SMC3: variants seen among roughly 807,000 people sequenced by gnomAD.
SMC3 encodes structural maintenance of chromosomes protein 3.
SMC3 carries 20 observed loss-of-function variants against 171.8 expected under a neutral mutation model. The observed-to-expected ratio is 0.12, with a 90% CI of 0.08 to 0.17. The LOEUF (loss-of-function observed/expected upper bound fraction) is 0.17, where lower values mean the gene tolerates loss of function less well. Among genes scored for constraint, SMC3 ranks in the 10% least tolerant of loss-of-function variants. The pLI is 1.00. For synonymous variants in SMC3, 464 were observed against 451.1 expected (o/e 1.03, Z -0.36); for missense variants, 543 against 1,420.4 (o/e 0.38, Z 9.93).
intron 19 of SMC3, among the ~76,000 whole-genome samples, chr10:110,597,557 A>G (rs943379062): frequency 2.0e-5 from 3 of 152,226 alleles, no homozygotes; most frequent in Non-Finnish European, 4.4e-5. Context: ...AGAAAAAGAA[A>G]AATAAGCACC....
At chr10:110,590,047 A>G (rs1861182022) in intron 15 of SMC3, 56 bp downstream of exon 15, 1 of 1,481,750 alleles carries the variant, frequency 6.7e-7, no homozygotes, top group Non-Finnish European at 9.4e-7. Flanking sequence ...GTTAATCGTT[A>G]TGTAATAATT....
Position 110,605,886 on chromosome 10 carries a change from A to T in SMC3, c.*1584A>T, listed in dbSNP as rs868198764. Among the ~76,000 whole-genome samples the T allele has an allele frequency of 5.9e-5, 9 of 152,190 alleles. No individual in the cohort carries two copies. The South Asian group carries it at 1.2e-3, about 21-fold the overall frequency. On this transcript the variant is annotated 3_prime_UTR_variant, in exon 29 of 29. Coordinates refer to ENST00000361804, the MANE Select transcript of SMC3 (RefSeq NM_005445.4). ...TATGACCAACCCCTTATAATACAGAATTTGGTGTAAGGTAAGTTCCAGGAT... is the reference window on the plus strand; with the variant it reads ...TATGACCAACCCCTTATAATACAGATTTTGGTGTAAGGTAAGTTCCAGGAT...
intron 3 of SMC3, among the ~76,000 whole-genome samples, chr10:110,574,695 C>T (rs904236421): frequency 6.6e-6 from 1 of 152,084 alleles, no homozygotes; most frequent in African/African-American, 2.4e-5. Context: ...ACCACCTCCA[C>T]ACACACACAG....
At position 110,605,425 on chromosome 10, in the gene SMC3, CT is replaced by C. The variant is rs1175963498; in HGVS notation, c.*1128del. Among the ~76,000 whole-genome samples, 7 of 152,082 alleles carry C rather than the reference CT, an allele frequency of 4.6e-5. No individual in the cohort carries two copies. Among genetic ancestry groups the C allele is most frequent in the African/African-American group, 1.7e-4 (7 of 41,408 alleles). On this transcript the variant is annotated 3_prime_UTR_variant, in exon 29 of 29. Transcript: ENST00000361804. ...CTTTTCAAATATTTACCTTTAATTT[CT>C]TTTTCTTGATTTCCCCTGGCCTGAG...
chr10:110,593,849 G>A (rs1293102355), intron 18 of SMC3, among the ~76,000 whole-genome samples: 1 of 151,900 alleles, frequency 6.6e-6, no homozygotes, highest in Non-Finnish European at 1.5e-5. Flanking sequence ...TTAGCTGGGT[G>A]TGGTGGCGCA....
chr10:110,570,731 G>C (rs1860858728), intron 2 of SMC3, among the ~76,000 whole-genome samples: 2 of 152,078 alleles, frequency 1.3e-5, no homozygotes, highest in Admixed American at 1.3e-4. Context: ...CATTGTTTTA[G>C]CTGTTATCAG....
intron 8 of SMC3, among the ~76,000 whole-genome samples, chr10:110,581,648 A>G (rs1216777184): frequency 6.6e-6 from 1 of 152,212 alleles, no homozygotes; most frequent in Non-Finnish European, 1.5e-5. Flanking sequence ...ATTTATGCCT[A>G]GCATTCCATT....
intron 16 of SMC3, 73 bp downstream of exon 16, chr10:110,590,645 T>G: frequency 7.7e-7 from 1 of 1,298,098 alleles, no homozygotes; most frequent in Non-Finnish European, 1.1e-6. Context: ...TTTTGTAGTT[T>G]TTGTACAACA....
chr10:110,591,275 A>C, intron 17 of SMC3, 143 bp downstream of exon 17: 1 of 843,264 alleles, frequency 1.2e-6, no homozygotes, highest in South Asian at 1.7e-5. Context: ...CATGGACCTT[A>C]GTGCTGAGTG....
intron 18 of SMC3, among the ~76,000 whole-genome samples, chr10:110,594,067 G>T (rs1861253923): frequency 6.8e-6 from 1 of 147,744 alleles, no homozygotes; most frequent in South Asian, 2.2e-4. Context: ...TCCAGACAGG[G>T]TTCGTACTTG....
chr10:110,587,575 A>C (rs145341986), intron 13 of SMC3, among the ~76,000 whole-genome samples: 77 of 152,028 alleles, frequency 5.1e-4, no homozygotes, highest in African/African-American at 1.8e-3. Context: ...AGTGCCAGCT[A>C]CTCGGGGGGC....
intron 4 of SMC3, among the ~76,000 whole-genome samples, chr10:110,575,627 C>T (rs567819643): frequency 2.6e-5 from 4 of 152,088 alleles, no homozygotes; most frequent in Admixed American, 2.6e-4. Flanking sequence ...ATAGGATTTG[C>T]CTATAGATGG....
intron 23 of SMC3, among the ~76,000 whole-genome samples, chr10:110,601,394 AGTT>A (rs1321107632): frequency 1.3e-5 from 2 of 152,204 alleles, no homozygotes; most frequent in Non-Finnish European, 2.9e-5. Flanking sequence ...CTCATCACTT[AGTT>A]GTTAGAAAAT....
chr10:110,575,260 A>G (rs544820230), intron 3 of SMC3, 76 bp from the exon 4 acceptor site: 118 of 984,294 alleles, frequency 1.2e-4, no homozygotes, highest in Middle Eastern at 1.1e-3. Flanking sequence ...ACTATGTTCT[A>G]TTGAGGTGTG....
intron 14 of SMC3, 59 bp downstream of exon 14, chr10:110,589,767 T>C (rs537815410): frequency 7.0e-6 from 10 of 1,418,802 alleles, no homozygotes; most frequent in South Asian, 4.6e-5. Context: ...CTAGCTGTTA[T>C]GTGGTCTTTA....
At chr10:110,596,752 T>C (rs908977398) in intron 19 of SMC3, among the ~76,000 whole-genome samples, 6 of 152,098 alleles carry the variant, frequency 3.9e-5, no homozygotes, top group Non-Finnish European at 5.9e-5. Flanking sequence ...TACCATGAAG[T>C]CACTTGGAAG....
At chr10:110,567,971 G>C in intron 1 of SMC3, 140 bp downstream of exon 1, 3 of 1,042,648 alleles carry the variant, frequency 2.9e-6, no homozygotes, top group Non-Finnish European at 4.3e-6. Context: ...TGGGGGAGGA[G>C]GGAGACCCGG....
chr10:110,599,065 C>G (rs1033240245), intron 20 of SMC3, among the ~76,000 whole-genome samples: 123 of 151,234 alleles, frequency 8.1e-4, no homozygotes, highest in Non-Finnish European at 1.5e-3. Flanking sequence ...AAAGATGTGC[C>G]TACAGTTGTA....
chr10:110,594,487 C>CTACTACTG (rs1861263934), intron 18 of SMC3, among the ~76,000 whole-genome samples: 1 of 152,072 alleles, frequency 6.6e-6, no homozygotes, highest in African/African-American at 2.4e-5. Context: ...GATACTAATA[C>CTACTACTG]TACTACTGTG....
Sources: gnomAD v4.1 joint callset for allele counts (sites outside exome capture counted in the v4.1 genomes callset) on GRCh38, gnomAD v4.1.1 for gene constraint, MANE v1.5 for transcripts, NCBI Gene and HGNC (gene_info 2026-07-23, HGNC 2026-07-21) for gene names.